The following CNGB3 variants were observed in gnomAD, a reference collection of about 807,000 sequenced individuals.
CNGB3 encodes cyclic nucleotide-gated channel beta-3.
CNGB3 carries 86 observed loss-of-function variants against 92.8 expected under a neutral mutation model. The observed-to-expected ratio is 0.93, with a 90% CI of 0.78 to 1.11. CNGB3 has a LOEUF of 1.11. Among genes scored for constraint, CNGB3 ranks in the 50% least tolerant of loss-of-function variants. The pLI, the probability that CNGB3 is intolerant of heterozygous loss-of-function variation, is 0.00. For missense variants in CNGB3, 1,026 were observed against 956.8 expected (o/e 1.07, Z -0.95); for synonymous variants, 333 against 332.7 (o/e 1.00, Z -0.01).
rs1388667301 is a variant in CNGB3, at chr8:86,661,861, T to C, written c.852+5064A>G. The C allele has an allele frequency of 2.3e-5, 28 of 1,235,762 alleles. No homozygotes were observed. The South Asian group carries it at 3.3e-4, about 15-fold the overall frequency. The allele number at this position is 1,235,762 out of a possible 1,614,324, so 76.5% of individuals were successfully genotyped here. On this transcript the variant is annotated intron_variant, in intron 6 of 17. Transcript: ENST00000320005. ...TCTTCTGGACGTTCCAGAACTGATG[T>C]CAGATTTGGGTCATCACAGTCCACA...
intron 3 of CNGB3, among the ~76,000 whole-genome samples, chr8:86,717,121 A>G (rs1387759313): frequency 6.6e-6 from 1 of 152,208 alleles, no homozygotes; most frequent in African/African-American, 2.4e-5. Context: ...AAAGACAAAG[A>G]GGAACATTAT....
At chr8:86,597,842 G>T (rs1002386779) in intron 15 of CNGB3, among the ~76,000 whole-genome samples, 3 of 152,100 alleles carry the variant, frequency 2.0e-5, no homozygotes, top group Admixed American at 6.6e-5. Context: ...AGCTGCGCAC[G>T]ATGGCGAAAC....
At chr8:86,669,981 C>G (rs566739977) in intron 4 of CNGB3, among the ~76,000 whole-genome samples, 2 of 152,080 alleles carry the variant, frequency 1.3e-5, no homozygotes, top group Admixed American at 6.6e-5. Context: ...TCCCAAGTAG[C>G]TGGTACTACA....
chr8:86,613,756 C>A (rs1370455426), intron 13 of CNGB3, among the ~76,000 whole-genome samples: 1 of 151,440 alleles, frequency 6.6e-6, no homozygotes, highest in African/African-American at 2.4e-5. Context: ...ATTCCTTGAA[C>A]AACTCCTATC....
intron 3 of CNGB3, among the ~76,000 whole-genome samples, chr8:86,694,141 C>G (rs1321321460): frequency 7.3e-6 from 1 of 136,244 alleles, no homozygotes; most frequent in African/African-American, 2.8e-5. Flanking sequence ...CCCCCCACCT[C>G]CCTCCTGGAC....
In CNGB3 at chr8:86,584,477, G is replaced by T. The variant is rs142285601; in HGVS notation, c.1782-5225C>A. 8.2e-3 allele frequency among the ~76,000 whole-genome samples: 1,254 copies of T among 152,268 alleles called. 11 individuals carry two copies. The highest frequency in any genetic ancestry group is 0.02 in the Middle Eastern group (6 of 294). ...AATTAAACTTGCCTACAGGTTACACGTTTGGAGTGCTTGATGAGTTTTTAA... is the reference window on the plus strand; with the variant it reads ...AATTAAACTTGCCTACAGGTTACACTTTTGGAGTGCTTGATGAGTTTTTAA... On this transcript the variant is annotated intron_variant, in intron 15 of 17. Coordinates refer to ENST00000320005, the MANE Select transcript of CNGB3 (RefSeq NM_019098.5).
chr8:86,647,675 G>T (rs1050458358), intron 8 of CNGB3, 126 bp downstream of exon 8: 2 of 640,316 alleles, frequency 3.1e-6, no homozygotes, highest in Non-Finnish European at 5.7e-6. Context: ...AGATGGAGAA[G>T]AGTTTGGGAA....
chr8:86,596,343 T>C (rs528698464), intron 15 of CNGB3, among the ~76,000 whole-genome samples: 3 of 152,348 alleles, frequency 2.0e-5, no homozygotes, highest in African/African-American at 4.8e-5. Context: ...ACAAGAGTTA[T>C]AGAAATGCTT....
chr8:86,576,540 A>C (rs894796894), intron 17 of CNGB3, among the ~76,000 whole-genome samples: 1 of 152,218 alleles, frequency 6.6e-6, no homozygotes, highest in Non-Finnish European at 1.5e-5. Flanking sequence ...TACTGTAAAA[A>C]GTAGGGTTTT....
chr8:86,611,723 C>A, intron 13 of CNGB3, 52 bp from the exon 14 acceptor site: 1 of 1,206,812 alleles, frequency 8.3e-7, no homozygotes, highest in Non-Finnish European at 1.2e-6. Flanking sequence ...GCCAATATTC[C>A]AAATGAATTC....
chr8:86,732,285 T>G (rs1418895009), intron 2 of CNGB3, among the ~76,000 whole-genome samples: 1 of 152,192 alleles, frequency 6.6e-6, no homozygotes, highest in East Asian at 1.9e-4. Flanking sequence ...ATCACACACA[T>G]GCTGGGCACC....
chr8:86,664,668 A>G (rs1823706863), intron 6 of CNGB3, among the ~76,000 whole-genome samples: 1 of 152,242 alleles, frequency 6.6e-6, no homozygotes. Context: ...CCTAAGGGTA[A>G]GAATGCTAAT....
Position 86,621,341 on chromosome 8 carries a change from C to T in CNGB3, c.1578+4642G>A, listed in dbSNP as rs535074631. On this transcript the variant is annotated intron_variant, in intron 13 of 17. Transcript: ENST00000320005. ...ATACCTATAATAAGACATACATTTT[C>T]ATTGTGCTTAGTACACACATAAATA... Among the ~76,000 whole-genome samples the T allele has an allele frequency of 4.3e-4, 66 of 152,242 alleles. 1 individual carries two copies. In the South Asian group the frequency reaches 7.3e-3, roughly 17 times the overall value.
chr8:86,606,146 G>GTTT (rs34987710), intron 14 of CNGB3, among the ~76,000 whole-genome samples: 5 of 91,972 alleles, frequency 5.4e-5, no homozygotes, highest in East Asian at 2.8e-4. Flanking sequence ...TTTGGGGTTG[G>GTTT]TTTTTTTTTT....
chr8:86,688,429 C>A (rs568356345), intron 3 of CNGB3, among the ~76,000 whole-genome samples: 1 of 151,912 alleles, frequency 6.6e-6, no homozygotes, highest in Non-Finnish European at 1.5e-5. Context: ...ATATTGAGAC[C>A]CCTTCATTAT....
At chr8:86,651,698 G>A (rs1422968749) in intron 7 of CNGB3, among the ~76,000 whole-genome samples, 1 of 151,860 alleles carries the variant, frequency 6.6e-6, no homozygotes, top group Non-Finnish European at 1.5e-5. Context: ...ACAGATTTGT[G>A]TAGACAGAGA....
intron 3 of CNGB3, among the ~76,000 whole-genome samples, chr8:86,694,082 C>T (rs1359856053): frequency 3.9e-5 from 4 of 103,686 alleles, no homozygotes; most frequent in East Asian, 7.0e-4. Context: ...GGGGGCTGAC[C>T]CCCCCACCTC....
intron 3 of CNGB3, among the ~76,000 whole-genome samples, chr8:86,674,308 G>T (rs1354001862): frequency 6.6e-6 from 1 of 152,142 alleles, no homozygotes; most frequent in Non-Finnish European, 1.5e-5. Context: ...CCACCTCATG[G>T]TTAAAATGCT....
In CNGB3 at chr8:86,690,995, T is replaced by C. The variant is rs377481030; in HGVS notation, c.339-19897A>G. Among the ~76,000 whole-genome samples, 24 of 152,364 alleles carry C rather than the reference T, an allele frequency of 1.6e-4. No individual in the cohort carries two copies. In the South Asian group the frequency reaches 5.0e-3, roughly 32 times the overall value. On this transcript the variant is annotated intron_variant, in intron 3 of 17. Transcript: ENST00000320005. ...TATAGTTTGAAGTCAGGTAGTGTGA[T>C]GCCTTCAGCTTTATTCTTTTGGCTT...
Sources: allele counts gnomAD v4.1 joint callset (sites outside exome capture counted in the v4.1 genomes callset), GRCh38; gene constraint gnomAD v4.1.1; transcripts MANE v1.5; gene names NCBI Gene and HGNC (gene_info 2026-07-23, HGNC 2026-07-21).